The following DAB1 variants were observed in gnomAD, a reference collection of about 807,000 sequenced individuals.
DAB1 encodes the protein DAB adaptor protein 1.
In DAB1, 15 loss-of-function variants were observed where a neutral mutation model predicts 64.6. That is an observed-to-expected ratio of 0.23 (90% CI 0.16 to 0.36). The LOEUF (loss-of-function observed/expected upper bound fraction) is 0.36, where lower values mean the gene tolerates loss of function less well. DAB1 is among the 10% of genes least tolerant of loss of function. DAB1 has a pLI of 1.00. For missense variants in DAB1, 596 were observed against 706.7 expected (o/e 0.84, Z 1.78); for synonymous variants, 235 against 251.9 (o/e 0.93, Z 0.64).
At chr1:57,946,254 G>A (rs1557570407) in intron 5 of DAB1, among the ~76,000 whole-genome samples, 4 of 152,122 alleles carry the variant, frequency 2.6e-5, no homozygotes, top group Admixed American at 6.5e-5. Flanking sequence ...GAGTCTGCAG[G>A]GCAAGATGCA....
intron 4 of DAB1, among the ~76,000 whole-genome samples, chr1:58,216,165 T>C (rs1366877781): frequency 1.3e-5 from 2 of 152,172 alleles, no homozygotes; most frequent in Non-Finnish European, 2.9e-5. Context: ...TTTCTCCCAA[T>C]GCTATCCCTC....
At chr1:58,344,759 T>C (rs1643976320) in intron 3 of DAB1, among the ~76,000 whole-genome samples, 1 of 152,206 alleles carries the variant, frequency 6.6e-6, no homozygotes, top group Non-Finnish European at 1.5e-5. Flanking sequence ...ACTGAGAGCC[T>C]GTTTTCTCAT....
chr1:57,177,933 T>C (rs1222293668), intron 2 of DAB1, among the ~76,000 whole-genome samples: 6 of 152,206 alleles, frequency 3.9e-5, no homozygotes, highest in Non-Finnish European at 8.8e-5. Flanking sequence ...TTACTGACTT[T>C]GTCCCTTTGT....
intron 5 of DAB1, among the ~76,000 whole-genome samples, chr1:58,097,927 C>T (rs1651087366): frequency 6.6e-6 from 1 of 152,168 alleles, no homozygotes; most frequent in South Asian, 2.1e-4. Flanking sequence ...AGCTGTCTTT[C>T]CTTGCTGCTT....
chr1:57,004,351 T>G (rs1366915901), intron 14 of DAB1, among the ~76,000 whole-genome samples: 1 of 152,244 alleles, frequency 6.6e-6, no homozygotes, highest in Non-Finnish European at 1.5e-5. Context: ...CTTGTATTTG[T>G]TTTTGGAAAG....
Position 58,201,744 on chromosome 1 carries a change from C to T in DAB1, n.310-51156G>A, listed in dbSNP as rs150090346. On this transcript the variant is annotated intron_variant and non_coding_transcript_variant, in intron 4 of 20. Transcript: ENST00000485760. ...CGATCTCCTGCTTTCTCAAATTTCT[C>T]AATCTTTAAACATTTTCTCAACATT... Among the ~76,000 whole-genome samples, 17 of 152,262 alleles carry T rather than the reference C, an allele frequency of 1.1e-4. No homozygotes were observed. In the East Asian group the frequency reaches 2.3e-3, roughly 21 times the overall value.
chr1:58,218,985 G>T (rs1286595471), intron 4 of DAB1, among the ~76,000 whole-genome samples: 4 of 90,752 alleles, frequency 4.4e-5, no homozygotes, highest in Non-Finnish European at 8.1e-5. Context: ...CATAATTCTG[G>T]CCATTCTCTC....
chr1:58,043,050 A>C (rs1338145992), intron 5 of DAB1, among the ~76,000 whole-genome samples: 3 of 152,200 alleles, frequency 2.0e-5, no homozygotes, highest in Admixed American at 6.5e-5. Context: ...GGAGTGTATA[A>C]AGGAAATACA....
At chr1:57,175,953 C>T (rs1662270868) in intron 2 of DAB1, among the ~76,000 whole-genome samples, 1 of 152,048 alleles carries the variant, frequency 6.6e-6, no homozygotes, top group African/African-American at 2.4e-5. Flanking sequence ...AGTTTATTAC[C>T]ACATAGACAG....
At chr1:58,473,200 G>T (rs574447418) in intron 3 of DAB1, among the ~76,000 whole-genome samples, 1 of 152,314 alleles carries the variant, frequency 6.6e-6, no homozygotes, top group African/African-American at 2.4e-5. Context: ...TTACCTGGGA[G>T]GTCTGAGTCA....
intron 4 of DAB1, among the ~76,000 whole-genome samples, chr1:58,291,847 G>A (rs1661847981): frequency 6.6e-6 from 1 of 152,182 alleles, no homozygotes; most frequent in Non-Finnish European, 1.5e-5. Context: ...AACTGTGATG[G>A]TTAATTGTAT....
At chr1:57,137,935 T>C (rs1023872055) in intron 3 of DAB1, among the ~76,000 whole-genome samples, 24 of 152,294 alleles carry the variant, frequency 1.6e-4, no homozygotes, top group Non-Finnish European at 2.8e-4. Context: ...CCTGGTTCTG[T>C]ATAATCTTGG....
chr1:57,469,646 T>C (rs1475055353), intron 7 of DAB1, among the ~76,000 whole-genome samples: 1 of 152,196 alleles, frequency 6.6e-6, no homozygotes, highest in African/African-American at 2.4e-5. Flanking sequence ...CAGATATGTG[T>C]ATATAATTCC....
At chr1:57,194,538 C>A (rs1328705756) in intron 2 of DAB1, among the ~76,000 whole-genome samples, 1 of 152,202 alleles carries the variant, frequency 6.6e-6, no homozygotes, top group Non-Finnish European at 1.5e-5. Context: ...AGTTCTTCCT[C>A]CAACATACTA....
intron 1 of DAB1, chr1:58,542,416 G>T (rs528251972): frequency 2.6e-5 from 4 of 152,154 alleles, no homozygotes; most frequent in Non-Finnish European, 5.9e-5. Flanking sequence ...TCTAGTTGGG[G>T]AGACAAAACT....
At chr1:58,060,315 G>A (rs1648410497) in intron 5 of DAB1, 1 of 152,234 alleles carries the variant, frequency 6.6e-6, no homozygotes, top group African/African-American at 2.4e-5. Flanking sequence ...AAGGTAAGGA[G>A]GAGGTTCAGA....
chr1:58,021,215 C>T (rs1422611440), intron 5 of DAB1, among the ~76,000 whole-genome samples: 1 of 152,200 alleles, frequency 6.6e-6, no homozygotes, highest in Non-Finnish European at 1.5e-5. Flanking sequence ...CTGGAAGTCC[C>T]TCCAGGCCTT....
In DAB1 at chr1:57,788,045, A is replaced by G. The variant is rs531142224; in HGVS notation, n.551+95954T>C. On this transcript the variant is annotated intron_variant and non_coding_transcript_variant, in intron 6 of 20. Transcript: ENST00000485760. ...ATGAAGAACATCTGGAGCAAGTGGA[A>G]CTCTCAAATACTATTGGTGGAAAGT... Among the ~76,000 whole-genome samples, 299 of 152,274 alleles carry G rather than the reference A, an allele frequency of 2.0e-3. 2 individuals are homozygous for G. The highest frequency in any genetic ancestry group is 7.0e-3 in the African/African-American group (289 of 41,566).
intron 3 of DAB1, among the ~76,000 whole-genome samples, chr1:58,428,343 G>T (rs1644839749): frequency 6.6e-6 from 1 of 152,182 alleles, no homozygotes; most frequent in African/African-American, 2.4e-5. Flanking sequence ...GGAAATACAG[G>T]AGACAGAGGA....
Sources: allele counts gnomAD v4.1 joint callset (sites outside exome capture counted in the v4.1 genomes callset), GRCh38; gene constraint gnomAD v4.1.1; transcripts MANE v1.5; gene names NCBI Gene and HGNC (gene_info 2026-07-23, HGNC 2026-07-21).